PRKCE: variants seen among roughly 807,000 people sequenced by gnomAD.
PRKCE encodes protein kinase C epsilon.
PRKCE carries 16 observed loss-of-function variants against 85.4 expected under a neutral mutation model. The ratio of observed to expected loss-of-function variants is 0.19; its 90% CI spans 0.13 to 0.28. The LOEUF (loss-of-function observed/expected upper bound fraction) is 0.28, where lower values mean the gene tolerates loss of function less well. PRKCE is among the 10% of genes least tolerant of loss of function. The pLI is 1.00. For synonymous variants in PRKCE, 388 were observed against 371.5 expected, an observed-to-expected ratio of 1.04 and a Z score of -0.51; for missense variants, 573 against 975.2, an observed-to-expected ratio of 0.59 and a Z score of 5.49.
intron 10 of PRKCE, among the ~76,000 whole-genome samples, chr2:46,033,151 A>C (rs1182381362): frequency 1.3e-5 from 2 of 152,188 alleles, no homozygotes; most frequent in Non-Finnish European, 2.9e-5. Context: ...TTCTGGGAGG[A>C]TTAGAGAGGA....
intron 10 of PRKCE, among the ~76,000 whole-genome samples, chr2:46,054,328 A>G (rs1417936825): frequency 1.3e-5 from 2 of 152,194 alleles, no homozygotes; most frequent in African/African-American, 2.4e-5. Context: ...CTTGCATTTG[A>G]TAACTGAGGA....
intron 1 of PRKCE, among the ~76,000 whole-genome samples, chr2:45,672,311 C>T (rs937876509): frequency 6.6e-6 from 1 of 151,818 alleles, no homozygotes; most frequent in African/African-American, 2.4e-5. Flanking sequence ...TCTCTATATC[C>T]ATCCATCCAT....
chr2:45,711,860 T>C (rs912640890), intron 1 of PRKCE, among the ~76,000 whole-genome samples: 3 of 152,204 alleles, frequency 2.0e-5, no homozygotes, highest in Non-Finnish European at 4.4e-5. Context: ...CCTGACCTCA[T>C]GATCTGCATG....
At chr2:45,932,371 T>G (rs1699110034) in intron 2 of PRKCE, among the ~76,000 whole-genome samples, 1 of 152,218 alleles carries the variant, frequency 6.6e-6, no homozygotes, top group Admixed American at 6.5e-5. Context: ...GCTATGAACA[T>G]TTTAGTTCAT....
chr2:45,773,031 C>G (rs1685465864), intron 1 of PRKCE, among the ~76,000 whole-genome samples: 1 of 152,210 alleles, frequency 6.6e-6, no homozygotes, highest in Admixed American at 6.5e-5. Flanking sequence ...AAGAGCCCTA[C>G]CTAATAACTT....
intron 11 of PRKCE, among the ~76,000 whole-genome samples, chr2:46,093,683 A>G (rs969585965): frequency 6.6e-6 from 1 of 151,998 alleles, no homozygotes; most frequent in African/African-American, 2.4e-5. Flanking sequence ...GGCATGAACC[A>G]TGGCACCTAG....
At chr2:46,183,953 C>T (rs1262238721) in intron 14 of PRKCE, among the ~76,000 whole-genome samples, 1 of 152,134 alleles carries the variant, frequency 6.6e-6, no homozygotes, top group Non-Finnish European at 1.5e-5. Flanking sequence ...TCCCTTCCAC[C>T]CCACCCCCCA....
intron 1 of PRKCE, among the ~76,000 whole-genome samples, chr2:45,785,903 G>A (rs930948645): frequency 2.6e-4 from 39 of 152,292 alleles, no homozygotes; most frequent in African/African-American, 9.4e-4. Flanking sequence ...AGCTGTTGGA[G>A]TAAGATGGAG....
chr2:46,110,302 G>T (rs1672130601), intron 11 of PRKCE, among the ~76,000 whole-genome samples: 1 of 152,126 alleles, frequency 6.6e-6, no homozygotes, highest in South Asian at 2.1e-4. Context: ...CAATTCACCA[G>T]TGAAACTCTC....
chr2:45,943,796 A>G (rs1700048121), intron 2 of PRKCE, among the ~76,000 whole-genome samples: 1 of 152,242 alleles, frequency 6.6e-6, no homozygotes, highest in Admixed American at 6.5e-5. Flanking sequence ...TGCAGAATGC[A>G]CCAGACAGCA....
chr2:46,177,967 T>A (rs1271368145), intron 14 of PRKCE, among the ~76,000 whole-genome samples: 2 of 151,228 alleles, frequency 1.3e-5, no homozygotes, highest in African/African-American at 4.9e-5. Context: ...GATATGGATT[T>A]AAAAAAAAAT....
intron 1 of PRKCE, among the ~76,000 whole-genome samples, chr2:45,790,986 G>A (rs1405117324): frequency 5.9e-5 from 9 of 152,124 alleles, no homozygotes; most frequent in Admixed American, 1.3e-4. Context: ...CCAGGCCAGC[G>A]TCTCCAGACC....
At chr2:45,887,445 T>C (rs552891583) in intron 2 of PRKCE, among the ~76,000 whole-genome samples, 2 of 151,876 alleles carry the variant, frequency 1.3e-5, no homozygotes, top group East Asian at 3.9e-4. Context: ...TATAAGGAAT[T>C]AAATGGCTTA....
chr2:46,067,531 G>A (rs1667724245), intron 10 of PRKCE, among the ~76,000 whole-genome samples: 1 of 152,194 alleles, frequency 6.6e-6, no homozygotes, highest in Non-Finnish European at 1.5e-5. Flanking sequence ...GCGTATTCAG[G>A]TTTGGGCCCA....
intron 1 of PRKCE, among the ~76,000 whole-genome samples, chr2:45,820,947 T>C (rs1339939638): frequency 1.3e-5 from 2 of 151,222 alleles, no homozygotes; most frequent in African/African-American, 4.9e-5. Context: ...TAGCTCTAGC[T>C]CCCTCACATC....
intron 6 of PRKCE, among the ~76,000 whole-genome samples, chr2:45,989,761 T>C (rs1562649): frequency 0.7 from 106,647 of 152,088 alleles, 37,729 homozygotes; most frequent in East Asian, 0.79. Context: ...AACAGCTAGG[T>C]CCCTTGTCGT....
intron 6 of PRKCE, among the ~76,000 whole-genome samples, chr2:45,985,239 C>T (rs992939675): frequency 1.1e-4 from 17 of 152,244 alleles, no homozygotes; most frequent in African/African-American, 4.1e-4. Context: ...AATTTATTAG[C>T]AGAAGTAGGA....
At chr2:45,928,371 A>C (rs774688418) in intron 2 of PRKCE, among the ~76,000 whole-genome samples, 1 of 152,210 alleles carries the variant, frequency 6.6e-6, no homozygotes, top group Non-Finnish European at 1.5e-5. Flanking sequence ...GGGTTGAAGC[A>C]ATTCTCATGC....
chr2:46,041,835 A>G lies in PRKCE; in HGVS notation c.1437+31318A>G, dbSNP rs1241243735. Among the ~76,000 whole-genome samples the G allele has an allele frequency of 6.6e-6, 1 of 152,244 alleles. No homozygotes were observed. Among genetic ancestry groups the G allele is most frequent in the African/African-American group, 2.4e-5 (1 of 41,458 alleles). On this transcript the variant is annotated intron_variant, in intron 10 of 14. Coordinates refer to ENST00000306156, the MANE Select transcript of PRKCE (RefSeq NM_005400.3). The surrounding 1 kb of genome is among the most constrained non-coding windows in gnomAD (Gnocchi z 5.5). ...TGCACGGCCAACAATTTGATGTTGA[A>G]AAAACCAGCCTCCATGTTAACATGT...
Sources: allele counts gnomAD v4.1 joint callset (sites outside exome capture counted in the v4.1 genomes callset), GRCh38; gene constraint gnomAD v4.1.1; non-coding constraint Gnocchi (gnomAD v3.1); transcripts MANE v1.5; gene names NCBI Gene and HGNC (gene_info 2026-07-23, HGNC 2026-07-21).